The following DPP10 variants were observed in gnomAD, a reference collection of about 807,000 sequenced individuals.
The protein encoded by DPP10 is dipeptidyl peptidase like 10.
A neutral mutation model predicts 120.9 loss-of-function variants in DPP10; 33 were observed. The observed-to-expected ratio is 0.27, with a 90% confidence interval of 0.21 to 0.37. The LOEUF is 0.37. DPP10 is among the 10% of genes least tolerant of loss of function. The pLI is 1.00. For missense variants in DPP10, 816 were observed against 942.8 expected, an observed-to-expected ratio of 0.87 and a Z score of 1.76; for synonymous variants, 337 against 326.1, an observed-to-expected ratio of 1.03 and a Z score of -0.36.
At chr2:115,565,222 A>C (rs2080926053) in intron 5 of DPP10, among the ~76,000 whole-genome samples, 1 of 152,192 alleles carries the variant, frequency 6.6e-6, no homozygotes, top group South Asian at 2.1e-4. Flanking sequence ...TGAATTTGAA[A>C]CAATTTTAGT....
chr2:114,969,518 C>A (rs1006301995), intron 1 of DPP10, among the ~76,000 whole-genome samples: 1 of 152,150 alleles, frequency 6.6e-6, no homozygotes. Flanking sequence ...GTCAAGAATT[C>A]TTTTACAAAA....
At chr2:115,352,164 G>A (rs988105238) in intron 3 of DPP10, among the ~76,000 whole-genome samples, 4 of 151,856 alleles carry the variant, frequency 2.6e-5, no homozygotes, top group African/African-American at 9.7e-5. Context: ...TATTTAAAGA[G>A]AATTTGAAAC....
At chr2:114,611,725 A>T (rs1693301167) in intron 1 of DPP10, among the ~76,000 whole-genome samples, 1 of 152,124 alleles carries the variant, frequency 6.6e-6, no homozygotes, top group African/African-American at 2.4e-5. Context: ...TCCTTTGTTG[A>T]TAACTCTTAA....
intron 3 of DPP10, among the ~76,000 whole-genome samples, chr2:115,417,753 T>C (rs2104646123): frequency 6.6e-6 from 1 of 152,306 alleles, no homozygotes; most frequent in Admixed American, 6.5e-5. Context: ...ATACCTCACT[T>C]CTTCTCCTAT....
chr2:115,676,690 G>T (rs553077523), intron 5 of DPP10, among the ~76,000 whole-genome samples: 1 of 152,138 alleles, frequency 6.6e-6, no homozygotes, highest in African/African-American at 2.4e-5. Context: ...ACTACGGGAC[G>T]TATAAGAGGA....
At chr2:115,205,805 C>G (rs1415342332) in intron 1 of DPP10, among the ~76,000 whole-genome samples, 2 of 152,118 alleles carry the variant, frequency 1.3e-5, no homozygotes, top group Non-Finnish European at 2.9e-5. Flanking sequence ...CGTGTTCTCA[C>G]TTGTAAGAGG....
At chr2:115,705,280 T>C (rs2092055942) in intron 7 of DPP10, among the ~76,000 whole-genome samples, 1 of 151,986 alleles carries the variant, frequency 6.6e-6, no homozygotes, top group Non-Finnish European at 1.5e-5. Context: ...GTCAATGAGA[T>C]TTTGCTTCAT....
intron 7 of DPP10, among the ~76,000 whole-genome samples, chr2:115,714,363 A>C (rs533620727): frequency 6.6e-6 from 1 of 152,294 alleles, no homozygotes; most frequent in Non-Finnish European, 1.5e-5. Flanking sequence ...AATAAAACAA[A>C]AGATCTTAGG....
At chr2:115,381,792 G>T (rs943798379) in intron 3 of DPP10, among the ~76,000 whole-genome samples, 8 of 151,742 alleles carry the variant, frequency 5.3e-5, no homozygotes, top group South Asian at 2.1e-4. Flanking sequence ...TCAGCTGCAG[G>T]TCTGTTGGAG....
chr2:115,654,808 G>A (rs181756137), intron 5 of DPP10, among the ~76,000 whole-genome samples: 15 of 151,740 alleles, frequency 9.9e-5, no homozygotes, highest in African/African-American at 2.4e-4. Flanking sequence ...GACAGCAGAC[G>A]GCAAAGGAGG....
chr2:114,991,814 G>A (rs191067353), intron 1 of DPP10, among the ~76,000 whole-genome samples: 3 of 152,302 alleles, frequency 2.0e-5, no homozygotes, highest in Non-Finnish European at 4.4e-5. Flanking sequence ...ATTGTATGGA[G>A]GTTGTGAATG....
At position 115,738,611 on chromosome 2, in the gene DPP10, T is replaced by A. The variant is rs530485094; in HGVS notation, c.698-1128T>A. On this transcript the variant is annotated intron_variant, in intron 8 of 25. Transcript: ENST00000410059. ...TCCCAATGCCTTTTCCCTCTACCTG[T>A]ATTTTATTCCATGTCACCACCACTG... Among the ~76,000 whole-genome samples, 104 of 152,308 alleles carry A rather than the reference T, an allele frequency of 6.8e-4. 3 individuals are homozygous for A. Among genetic ancestry groups the A allele is most frequent in the Middle Eastern group, 3.4e-3 (1 of 294 alleles).
intron 1 of DPP10, among the ~76,000 whole-genome samples, chr2:114,979,998 G>A (rs1246697895): frequency 6.6e-6 from 1 of 152,038 alleles, no homozygotes; most frequent in East Asian, 1.9e-4. Context: ...GGTTTTGAGT[G>A]TTAAGTCTCT....
chr2:114,650,783 T>A (rs1037943804), intron 1 of DPP10, among the ~76,000 whole-genome samples: 2 of 152,088 alleles, frequency 1.3e-5, no homozygotes, highest in African/African-American at 2.4e-5. Flanking sequence ...AGCAGATGAG[T>A]CCTCCATCCC....
rs530998260 is a variant in DPP10 at position 114,566,513 on chromosome 2, G to A, written c.60+123675G>A. Among the ~76,000 whole-genome samples the A allele has an allele frequency of 1.4e-3, 209 of 152,286 alleles. 2 individuals are homozygous for A. The highest frequency in any genetic ancestry group is 4.9e-3 in the African/African-American group (205 of 41,564). ...AAAACGGAGAAACCAACTAAATTAT[G>A]ATCCTGCTGGTTTCTCCACTAATGT... On this transcript the variant is annotated intron_variant, in intron 1 of 25. Coordinates refer to ENST00000410059, the MANE Select transcript of DPP10 (RefSeq NM_020868.6).
intron 1 of DPP10, among the ~76,000 whole-genome samples, chr2:114,809,506 C>G (rs1685006906): frequency 6.6e-6 from 1 of 152,172 alleles, no homozygotes; most frequent in African/African-American, 2.4e-5. Flanking sequence ...CAGTGAGCAG[C>G]TCTTTGTTTT....
At chr2:115,062,264 C>T (rs1434007830) in intron 1 of DPP10, among the ~76,000 whole-genome samples, 2 of 151,792 alleles carry the variant, frequency 1.3e-5, no homozygotes, top group African/African-American at 4.8e-5. Flanking sequence ...TATGAAGTAT[C>T]TTTAAGGCTC....
chr2:115,433,280 G>C (rs1260262933), intron 3 of DPP10, among the ~76,000 whole-genome samples: 1 of 151,974 alleles, frequency 6.6e-6, no homozygotes, highest in East Asian at 1.9e-4. Flanking sequence ...CAATATTATG[G>C]ATTGTGATTT....
At chr2:115,643,834 T>G (rs2086990683) in intron 5 of DPP10, among the ~76,000 whole-genome samples, 1 of 152,334 alleles carries the variant, frequency 6.6e-6, no homozygotes, top group South Asian at 2.1e-4. Flanking sequence ...CAGTTATTTT[T>G]TATGCTGTCA....
Sources: gnomAD v4.1 joint callset for allele counts (sites outside exome capture counted in the v4.1 genomes callset) on GRCh38, gnomAD v4.1.1 for gene constraint, MANE v1.5 for transcripts, NCBI Gene and HGNC (gene_info 2026-07-23, HGNC 2026-07-21) for gene names.